Variants in C1QTNF7 observed in about 807,000 individuals in gnomAD.
C1QTNF7 encodes the protein C1q and TNF related 7, also known as complement C1q tumor necrosis factor-related protein 7.
C1QTNF7 carries 15 observed loss-of-function variants against 19.6 expected under a neutral mutation model. The observed-to-expected ratio is 0.76, with a 90% CI of 0.51 to 1.18. The LOEUF (loss-of-function observed/expected upper bound fraction) is 1.18. Among genes scored for constraint, C1QTNF7 ranks in the 50% most tolerant of loss-of-function variants. The pLI, the probability that C1QTNF7 is intolerant of heterozygous loss-of-function variation, is 0.00. For synonymous variants in C1QTNF7, 142 were observed against 137.5 expected, an observed-to-expected ratio of 1.03 and a Z score of -0.23; for missense variants, 324 against 359.7, an observed-to-expected ratio of 0.90 and a Z score of 0.80.
At chr4:15,356,253 C>A (rs1303583756) in intron 1 of C1QTNF7, among the ~76,000 whole-genome samples, 4 of 152,084 alleles carry the variant, frequency 2.6e-5, no homozygotes, top group Non-Finnish European at 4.4e-5. Context: ...CTCCCCTAGC[C>A]CCCAACCCCC....
chr4:15,342,856 G>A (rs1009943342), intron 1 of C1QTNF7, among the ~76,000 whole-genome samples: 6 of 152,232 alleles, frequency 3.9e-5, no homozygotes, highest in African/African-American at 7.2e-5. Flanking sequence ...GTAGATCAGC[G>A]CTCTGGCTTA....
intron 1 of C1QTNF7, among the ~76,000 whole-genome samples, chr4:15,387,489 G>T (rs959445222): frequency 3.9e-5 from 6 of 152,088 alleles, no homozygotes; most frequent in African/African-American, 1.4e-4. Context: ...AAGAGGATCT[G>T]GAAAAAAGGG....
chr4:15,419,858 C>T (rs1024441636), intron 1 of C1QTNF7: 6 of 152,068 alleles, frequency 3.9e-5, no homozygotes, highest in Admixed American at 3.3e-4. Flanking sequence ...CCAAACAAAC[C>T]AAATCTGTGC....
At chr4:15,407,946 C>G (rs1017729182) in intron 1 of C1QTNF7, among the ~76,000 whole-genome samples, 1 of 151,530 alleles carries the variant, frequency 6.6e-6, no homozygotes, top group Non-Finnish European at 1.5e-5. Flanking sequence ...CAAAACAAAA[C>G]AAAGAATGTA....
chr4:15,423,377 A>T (rs149856773), upstream of C1QTNF7, among the ~76,000 whole-genome samples: 21 of 152,304 alleles, frequency 1.4e-4, no homozygotes, highest in African/African-American at 4.3e-4. Context: ...GGTCAATGAC[A>T]TTTGTTCATT....
chr4:15,358,033 G>C (rs548620152), intron 1 of C1QTNF7: 31 of 152,212 alleles, frequency 2.0e-4, no homozygotes, highest in Non-Finnish European at 4.1e-4. Context: ...TCTGCAAACA[G>C]AGACAATTTG....
intron 1 of C1QTNF7, among the ~76,000 whole-genome samples, chr4:15,361,776 A>AATC (rs1484104218): frequency 1.3e-5 from 2 of 152,154 alleles, no homozygotes; most frequent in Non-Finnish European, 2.9e-5. Flanking sequence ...CCTAAATCTC[A>AATC]TATTAGACTA....
At chr4:15,373,429 G>A (rs1388744498) in intron 1 of C1QTNF7, among the ~76,000 whole-genome samples, 1 of 152,152 alleles carries the variant, frequency 6.6e-6, no homozygotes. Flanking sequence ...GGGGAAACAC[G>A]TATATTCAAA....
At chr4:15,350,067 A>C (rs1716859251) in intron 1 of C1QTNF7, among the ~76,000 whole-genome samples, 1 of 128,378 alleles carries the variant, frequency 7.8e-6, no homozygotes, top group East Asian at 2.6e-4. Context: ...GGAAGGGAAG[A>C]AGGAAGGGAG....
At chr4:15,342,559 A>G (rs1716582354) in intron 1 of C1QTNF7, among the ~76,000 whole-genome samples, 1 of 152,200 alleles carries the variant, frequency 6.6e-6, no homozygotes, top group African/African-American at 2.4e-5. Flanking sequence ...AATCAAAGAA[A>G]GCGTCCCACA....
At chr4:15,357,120 T>G (rs544755586) in intron 1 of C1QTNF7, among the ~76,000 whole-genome samples, 86 of 152,278 alleles carry the variant, frequency 5.6e-4, no homozygotes, top group Non-Finnish European at 1.0e-3. Context: ...ATTTGTCAAT[T>G]TTGGCTTTTG....
At chr4:15,435,699 C>T in intron 1 of C1QTNF7, 37 bp from the exon 2 acceptor site, 3 of 1,610,018 alleles carry the variant, frequency 1.9e-6, no homozygotes, top group South Asian at 1.1e-5. Context: ...CCTCCCAACA[C>T]AGAAAGTTCA....
chr4:15,340,100 CAT>C, exon 1 of C1QTNF7: 1 of 1,372,518 alleles, frequency 7.3e-7, no homozygotes, highest in Non-Finnish European at 1.0e-6. Context: ...ATAATAAACA[CAT>C]ATTTCTGCTT....
intron 1 of C1QTNF7, among the ~76,000 whole-genome samples, chr4:15,417,281 T>C (rs1314503852): frequency 6.6e-6 from 1 of 152,214 alleles, no homozygotes; most frequent in Non-Finnish European, 1.5e-5. Flanking sequence ...TTTCATCACT[T>C]CAGCAGAGAA....
rs1011400388 is a variant in C1QTNF7 at position 15,444,197 on chromosome 4, T to C, written c.*1398T>C. 2.0e-5 allele frequency: 3 copies of C among 152,332 alleles called. No homozygotes were observed. Among genetic ancestry groups the C allele is most frequent in the Non-Finnish European group, 4.4e-5 (3 of 68,038 alleles). The allele number at this position is 152,332 out of a possible 1,614,324, so 9.4% of individuals were successfully genotyped here. On this transcript the variant is annotated 3_prime_UTR_variant, in exon 3 of 3. Coordinates refer to ENST00000444304, the MANE Select transcript of C1QTNF7 (RefSeq NM_031911.5). Reference sequence around the variant, plus strand: ...TCTGCTCATTGACTTATAAATAGTTTTCATACCTCTTATGTTTGAATCACC... The same window carrying C: ...TCTGCTCATTGACTTATAAATAGTTCTCATACCTCTTATGTTTGAATCACC...
intron 1 of C1QTNF7, among the ~76,000 whole-genome samples, chr4:15,365,414 T>C (rs543401018): frequency 6.6e-6 from 1 of 152,298 alleles, no homozygotes; most frequent in African/African-American, 2.4e-5. Context: ...ATCTAAAATG[T>C]TTCAAATGAC....
intron 1 of C1QTNF7, among the ~76,000 whole-genome samples, chr4:15,399,398 G>A (rs1340839928): frequency 3.3e-5 from 5 of 152,080 alleles, no homozygotes; most frequent in Non-Finnish European, 7.3e-5. Flanking sequence ...TATCTCTGTA[G>A]GCTCCGCAGA....
At chr4:15,344,293 G>A (rs1013635864) in intron 1 of C1QTNF7, among the ~76,000 whole-genome samples, 16 of 152,160 alleles carry the variant, frequency 1.1e-4, no homozygotes, top group African/African-American at 3.1e-4. Context: ...AGAAAGTAAC[G>A]TGATGAAAAC....
chr4:15,360,705 T>C (rs889831776), intron 1 of C1QTNF7, among the ~76,000 whole-genome samples: 1 of 152,182 alleles, frequency 6.6e-6, no homozygotes, highest in Non-Finnish European at 1.5e-5. Context: ...TAGAACATTG[T>C]CGTCTTTGAC....
Sources: gnomAD v4.1 joint callset for allele counts (sites outside exome capture counted in the v4.1 genomes callset) on GRCh38, gnomAD v4.1.1 for gene constraint, MANE v1.5 for transcripts, NCBI Gene and HGNC (gene_info 2026-07-23, HGNC 2026-07-21) for gene names.